RSPO3: variants seen among roughly 807,000 people sequenced by gnomAD.
The protein encoded by RSPO3 is R-spondin 3.
In RSPO3, 17 loss-of-function variants were observed where a neutral mutation model predicts 36.5. The ratio of observed to expected loss-of-function variants is 0.47; its 90% CI spans 0.32 to 0.70. RSPO3 has a LOEUF of 0.70. RSPO3 is among the 30% of genes least tolerant of loss of function. The pLI is 0.04. For synonymous variants in RSPO3, 108 were observed against 107.0 expected (o/e 1.01, Z -0.06); for missense variants, 294 against 322.5 (o/e 0.91, Z 0.68).
At chr6:127,144,215 G>A (rs1774334644) in intron 1 of RSPO3, among the ~76,000 whole-genome samples, 1 of 152,096 alleles carries the variant, frequency 6.6e-6, no homozygotes, top group Non-Finnish European at 1.5e-5. Context: ...TAATTTCACT[G>A]TGTATGTGAC....
At chr6:127,188,300 A>T (rs930526417) in intron 4 of RSPO3, among the ~76,000 whole-genome samples, 1 of 152,204 alleles carries the variant, frequency 6.6e-6, no homozygotes, top group Non-Finnish European at 1.5e-5. Flanking sequence ...AAGAGAGTTT[A>T]TTATGCTTAA....
At chr6:127,195,264 G>A (rs532888022) in intron 4 of RSPO3, among the ~76,000 whole-genome samples, 19 of 152,234 alleles carry the variant, frequency 1.2e-4, no homozygotes, top group African/African-American at 4.3e-4. Flanking sequence ...GACTTCCCAG[G>A]CTCAAGTGAT....
chr6:127,193,132 G>A (rs1434716426), intron 4 of RSPO3, among the ~76,000 whole-genome samples: 1 of 152,182 alleles, frequency 6.6e-6, no homozygotes, highest in East Asian at 1.9e-4. Flanking sequence ...TGTACAATGT[G>A]TTAGTTTCCT....
chr6:127,188,457 T>A (rs1671424886), intron 4 of RSPO3, among the ~76,000 whole-genome samples: 1 of 152,056 alleles, frequency 6.6e-6, no homozygotes, highest in Admixed American at 6.6e-5. Flanking sequence ...TTTCTTTCTC[T>A]TTTTTAGTAT....
At chr6:127,185,084 G>C (rs1364376317) in intron 4 of RSPO3, among the ~76,000 whole-genome samples, 2 of 151,854 alleles carry the variant, frequency 1.3e-5, no homozygotes, top group Non-Finnish European at 2.9e-5. Context: ...TTACAGGGTG[G>C]ATATTTCTAG....
intron 1 of RSPO3, among the ~76,000 whole-genome samples, chr6:127,140,926 G>A (rs535673288): frequency 1.5e-4 from 23 of 152,186 alleles, no homozygotes; most frequent in African/African-American, 4.8e-4. Flanking sequence ...TGCAGGCCTC[G>A]GCTAAGGAGT....
Position 127,195,844 on chromosome 6 carries a change from A to G in RSPO3, c.656A>G (p.Lys219Arg), listed in dbSNP as rs749867446. The change falls in exon 5 of 5, where the codon AAA (lysine) becomes AGA (arginine). Residue 219 changes from lysine (K) to arginine (R), a missense_variant. By Grantham distance (26) the Lys-to-Arg change is conservative. Transcript: ENST00000356698. The part of the protein sequence containing the change: ...GERGKKGRER[K>R]RKKPNKGESK... ...TCAGGAAAAAAAGGAAGGGAGAGGA[A>G]AAGAAAAAAACCTAATAAAGGAGAA... The G allele has an allele frequency of 3.2e-6, 5 of 1,554,200 alleles. No individual in the cohort carries two copies. The highest frequency in any genetic ancestry group is 3.5e-6 in the Non-Finnish European group (4 of 1,150,238).
At chr6:127,174,054 A>G (rs1458346905) in intron 4 of RSPO3, among the ~76,000 whole-genome samples, 1 of 151,740 alleles carries the variant, frequency 6.6e-6, no homozygotes, top group East Asian at 1.9e-4. Context: ...TTTGATATCT[A>G]TTTACAGTTT....
intron 4 of RSPO3, among the ~76,000 whole-genome samples, chr6:127,186,090 G>T (rs1178135956): frequency 6.6e-6 from 1 of 152,028 alleles, no homozygotes; most frequent in Non-Finnish European, 1.5e-5. Context: ...TAACCAGCTG[G>T]AATAAATTTT....
intron 4 of RSPO3, among the ~76,000 whole-genome samples, chr6:127,175,315 G>C (rs1775029936): frequency 6.6e-6 from 1 of 151,648 alleles, no homozygotes; most frequent in African/African-American, 2.4e-5. Context: ...ATGTTACTTA[G>C]TTTGTGTTTC....
intron 4 of RSPO3, among the ~76,000 whole-genome samples, chr6:127,158,436 C>T (rs1287779585): frequency 6.6e-6 from 1 of 152,042 alleles, no homozygotes. Flanking sequence ...AAGAGGTTAA[C>T]AATAGACAGA....
chr6:127,156,571 A>G (rs1774601398), intron 4 of RSPO3, among the ~76,000 whole-genome samples: 1 of 151,986 alleles, frequency 6.6e-6, no homozygotes, highest in South Asian at 2.1e-4. Flanking sequence ...TCCATAGTTG[A>G]CCTTTATTAG....
At position 127,119,124 on chromosome 6, in the gene RSPO3, T is replaced by TA. The variant is rs1309139128; in HGVS notation, c.-64dup. On this transcript the variant is annotated 5_prime_UTR_variant, in exon 1 of 5. Transcript: ENST00000356698. The stretch of plus-strand genomic sequence containing the variant: ...ATACGCCTAACACCTACATATATTT[T>TA]AAAAACATTAAATATAATTAACAAT... The TA allele has an allele frequency of 7.1e-6, 9 of 1,260,458 alleles. No homozygotes were observed. Among genetic ancestry groups the TA allele is most frequent in the Non-Finnish European group, 5.7e-6 (5 of 873,436 alleles). 78.1% of individuals were successfully genotyped at this position (1,260,458 alleles called of 1,614,324 possible).
intron 1 of RSPO3, among the ~76,000 whole-genome samples, chr6:127,135,234 A>G (rs1268111014): frequency 6.6e-6 from 1 of 152,020 alleles, no homozygotes; most frequent in African/African-American, 2.4e-5. Flanking sequence ...ATCATAGCCA[A>G]CATGGTGAAA....
intron 1 of RSPO3, among the ~76,000 whole-genome samples, chr6:127,129,476 G>A (rs1327476622): frequency 2.6e-5 from 4 of 152,014 alleles, no homozygotes; most frequent in African/African-American, 4.8e-5. Context: ...AATAACCGCA[G>A]TTGCCAAAAG....
intron 3 of RSPO3, among the ~76,000 whole-genome samples, chr6:127,153,766 C>G (rs1274476158): frequency 1.3e-5 from 2 of 152,056 alleles, no homozygotes; most frequent in East Asian, 3.9e-4. Flanking sequence ...TGACAGCTCA[C>G]AAACATAGAC....
chr6:127,129,514 T>G (rs1011258333), intron 1 of RSPO3, among the ~76,000 whole-genome samples: 1 of 152,164 alleles, frequency 6.6e-6, no homozygotes, highest in African/African-American at 2.4e-5. Context: ...GCCAGGCTCC[T>G]TGGGAGGAAG....
intron 4 of RSPO3, among the ~76,000 whole-genome samples, chr6:127,158,036 A>G (rs1442775997): frequency 6.6e-6 from 1 of 150,864 alleles, no homozygotes; most frequent in Non-Finnish European, 1.5e-5. Flanking sequence ...TATAATATAT[A>G]ATAAAAATAT....
At chr6:127,146,897 T>C (rs1216779368) in intron 1 of RSPO3, among the ~76,000 whole-genome samples, 1 of 152,164 alleles carries the variant, frequency 6.6e-6, no homozygotes, top group African/African-American at 2.4e-5. Flanking sequence ...TTTGCAAGCT[T>C]ACAATATGTA....
Sources: gnomAD v4.1 joint callset for allele counts (sites outside exome capture counted in the v4.1 genomes callset) on GRCh38, gnomAD v4.1.1 for gene constraint, MANE v1.5 for transcripts, NCBI Gene and HGNC (gene_info 2026-07-23, HGNC 2026-07-21) for gene names.